Variants in AGPAT1 observed in about 807,000 individuals in gnomAD.
The protein encoded by AGPAT1 is 1-acyl-sn-glycerol-3-phosphate acyltransferase alpha.
Under a neutral mutation model 31.2 loss-of-function variants are expected in AGPAT1, and 6 were observed. The ratio of observed to expected loss-of-function variants is 0.19; its 90% confidence interval spans 0.11 to 0.38. The LOEUF (loss-of-function observed/expected upper bound fraction) is 0.38, where lower values mean the gene tolerates loss of function less well. AGPAT1 is among the 10% of genes least tolerant of loss of function. AGPAT1 has a pLI of 1.00. For missense variants in AGPAT1, 187 were observed against 377.8 expected, an observed-to-expected ratio of 0.49 and a Z score of 4.19; for synonymous variants, 139 against 154.0, an observed-to-expected ratio of 0.90 and a Z score of 0.72.
rs959921767 is a variant in AGPAT1, at chr6:32,169,000, A to C, written c.*276T>G. ...TCCCTTGTGTAGGCTGAGTCACTGG[A>C]GATGAGGGGGAGGCAACTGTCCCAC... is the stretch of plus-strand genomic sequence containing the variant. On this transcript the variant is annotated 3_prime_UTR_variant, in exon 7 of 7. Coordinates refer to ENST00000375107, the MANE Select transcript of AGPAT1 (RefSeq NM_006411.4). This position sits in a 1 kb window ranked among gnomAD's most constrained non-coding sequence, Gnocchi z 4.5. 1.9e-6 allele frequency: 1 copy of C among 515,960 alleles called. No individual in the cohort carries two copies. 32.0% of individuals were successfully genotyped at this position (515,960 alleles called of 1,614,324 possible). A position where few individuals can be genotyped will look rare whatever the true frequency, so the allele number is the denominator to read the frequency against.
chr6:32,170,000 G>A lies in AGPAT1; in HGVS notation c.645C>T (p.Asp215=). ...AGCGACGCTCCTTCTTGCAGTAGAA[G>A]TCTTGGTAGGAGGACATGACTATGG... ...IVPIVMSSYQ[D]FYCKKERRFT... is the part of the protein sequence containing the mutation. The change falls in exon 6 of 7, where the codon GAC becomes GAT. Residue 215 remains aspartate, a synonymous_variant. Coordinates refer to ENST00000375107, the MANE Select transcript of AGPAT1 (RefSeq NM_006411.4). This position sits in a 1 kb window ranked among gnomAD's most constrained non-coding sequence, Gnocchi z 5.9. The A allele has an allele frequency of 6.2e-7, 1 of 1,613,842 alleles. No individual in the cohort carries two copies. Among genetic ancestry groups the A allele is most frequent in the Non-Finnish European group, 8.5e-7 (1 of 1,180,020 alleles).
In AGPAT1 at chr6:32,169,823, G is replaced by T; in HGVS notation, c.679+143C>A. On this transcript the variant is annotated intron_variant, in intron 6 of 6. Coordinates refer to ENST00000375107, the MANE Select transcript of AGPAT1 (RefSeq NM_006411.4). The surrounding 1 kb of genome is among the most constrained non-coding windows in gnomAD (Gnocchi z 5.9). ...CAGGGTATGGTGGGTGCTTAGTAAA[G>T]ACTTATTGGCTGATGTGGGGTTAGA... The T allele has an allele frequency of 1.3e-6, 1 of 773,236 alleles. No homozygotes were observed. Among genetic ancestry groups the T allele is most frequent in the South Asian group, 1.7e-5 (1 of 59,156 alleles). The allele number at this position is 773,236 out of a possible 1,614,324, so 47.9% of individuals were successfully genotyped here.
chr6:32,169,884 C>G lies in AGPAT1; in HGVS notation c.679+82G>C. ...GTGTAGACATCTCATGGCTCTGACA[C>G]TGAATGATCCCCCTGCCTCACAGGG... On this transcript the variant is annotated intron_variant, in intron 6 of 6. Coordinates refer to ENST00000375107, the MANE Select transcript of AGPAT1 (RefSeq NM_006411.4). This position sits in a 1 kb window ranked among gnomAD's most constrained non-coding sequence, Gnocchi z 5.9. The G allele has an allele frequency of 7.8e-7, 1 of 1,289,206 alleles. No homozygotes were observed. Among genetic ancestry groups the G allele is most frequent in the African/African-American group, 1.5e-5 (1 of 68,634 alleles). 79.9% of individuals were successfully genotyped at this position (1,289,206 alleles called of 1,614,324 possible). A position where few individuals can be genotyped will look rare whatever the true frequency, so the allele number is the denominator to read the frequency against.
rs1376575931 is a variant in AGPAT1 at position 32,172,219 on chromosome 6, G to A, written c.-9-714C>T. 6.6e-6 allele frequency among the ~76,000 whole-genome samples: 1 copy of A among 152,098 alleles called. No homozygotes were observed. The highest frequency in any genetic ancestry group is 2.4e-5 in the African/African-American group (1 of 41,410). On this transcript the variant is annotated intron_variant, in intron 1 of 6. Coordinates refer to ENST00000375107, the MANE Select transcript of AGPAT1 (RefSeq NM_006411.4). This position sits in a 1 kb window ranked among gnomAD's most constrained non-coding sequence, Gnocchi z 4.3. ...CCCAGCTACTCGGGAGGCTGAGGCA[G>A]GAGAATCGCTTGAATCCGGGAGGCG...
Position 32,174,430 on chromosome 6 carries a change from G to C in AGPAT1, c.-10+1384C>G, listed in dbSNP as rs1238678879. On this transcript the variant is annotated intron_variant, in intron 1 of 6. Coordinates refer to ENST00000375107, the MANE Select transcript of AGPAT1 (RefSeq NM_006411.4). This position sits in a 1 kb window ranked among gnomAD's most constrained non-coding sequence, Gnocchi z 4.5. Reference sequence around the variant, plus strand: ...ATGAAGGCAGAGTAACAATAATCAGGAAGAGGTCATCTCACAAGAGAAATG... The same window carrying C: ...ATGAAGGCAGAGTAACAATAATCAGCAAGAGGTCATCTCACAAGAGAAATG... Among the ~76,000 whole-genome samples, 1 of 152,208 alleles carries C rather than the reference G, an allele frequency of 6.6e-6. No individual in the cohort carries two copies. Among genetic ancestry groups the C allele is most frequent in the African/African-American group, 2.4e-5 (1 of 41,452 alleles).
chr6:32,172,476 T>C lies in AGPAT1; in HGVS notation c.-9-971A>G, dbSNP rs1311723310. ...CTGTAGAACAGTACTGGTCTATACA[T>C]TAAGTTAAACTCTTAAAATGATGCA... On this transcript the variant is annotated intron_variant, in intron 1 of 6. Transcript: ENST00000375107. The surrounding 1 kb of genome is among the most constrained non-coding windows in gnomAD (Gnocchi z 4.3). Among the ~76,000 whole-genome samples the C allele has an allele frequency of 1.3e-5, 2 of 152,202 alleles. No individual in the cohort carries two copies. Among genetic ancestry groups the C allele is most frequent in the Non-Finnish European group, 2.9e-5 (2 of 68,036 alleles).
chr6:32,176,604 T>G (rs1785585483), upstream of AGPAT1: 1 of 878,378 alleles, frequency 1.1e-6, no homozygotes, highest in Non-Finnish European at 1.4e-6. Context: ...TGGTTTCCTT[T>G]GCCCTTTGTC....
At position 32,169,495 on chromosome 6, in the gene AGPAT1, C is replaced by T; in HGVS notation, c.680-47G>A. ...CATGGCCTGTCCACCCAGGTCTTTG[C>T]CCACAGGTGGGGCCCAGCTTCCGAG... On this transcript the variant is annotated intron_variant, in intron 6 of 6. Transcript: ENST00000375107. The surrounding 1 kb of genome is among the most constrained non-coding windows in gnomAD (Gnocchi z 5.9). 6.3e-7 allele frequency: 1 copy of T among 1,598,444 alleles called. No homozygotes were observed.
In AGPAT1 at chr6:32,171,132, TC is replaced by T. The variant is rs1439466180; in HGVS notation, c.201-63del. ...TTGATGTCCATCTGCATGCCTCAGCTCCCCCCACCTTACTGTCTTTCTGACC... is the reference window on the plus strand; with the variant it reads ...TTGATGTCCATCTGCATGCCTCAGCTCCCCCACCTTACTGTCTTTCTGACC... On this transcript the variant is annotated intron_variant, in intron 2 of 6. Coordinates refer to ENST00000375107, the MANE Select transcript of AGPAT1 (RefSeq NM_006411.4). The surrounding 1 kb of genome is among the most constrained non-coding windows in gnomAD (Gnocchi z 6.9). The T allele has an allele frequency of 6.3e-7, 1 of 1,591,922 alleles. No individual in the cohort carries two copies. Among genetic ancestry groups the T allele is most frequent in the South Asian group, 1.1e-5 (1 of 88,520 alleles).
Position 32,169,531 on chromosome 6 carries a change from C to T in AGPAT1, c.680-83G>A. 1.3e-6 allele frequency: 2 copies of T among 1,517,798 alleles called. No homozygotes were observed. The highest frequency in any genetic ancestry group is 3.5e-5 in the Admixed American group (2 of 56,650). 94.0% of individuals were successfully genotyped at this position (1,517,798 alleles called of 1,614,324 possible). ...GGCCCAGCTTCCGAGTGATACTCTT[C>T]CTCAACCTTTCAGTTCTCTTCCCCC... On this transcript the variant is annotated intron_variant, in intron 6 of 6. Coordinates refer to ENST00000375107, the MANE Select transcript of AGPAT1 (RefSeq NM_006411.4). This position sits in a 1 kb window ranked among gnomAD's most constrained non-coding sequence, Gnocchi z 5.9.
rs772703499 is a variant in AGPAT1 at position 32,171,049 on chromosome 6, G to A, written c.222C>T (p.Leu74=). ...GGATCCCGTACAGGTATTTGATGTGGAGCAGCATTAGACGCAAGATCCTGT... is the reference window on the plus strand; with the variant it reads ...GGATCCCGTACAGGTATTTGATGTGAAGCAGCATTAGACGCAAGATCCTGT... ...ENMKILRLML[L]HIKYLYGIRV... Residue 74 remains leucine (L), a synonymous_variant, in exon 3 of 7, where the codon CTC becomes CTT. Coordinates refer to ENST00000375107, the MANE Select transcript of AGPAT1 (RefSeq NM_006411.4). This position sits in a 1 kb window ranked among gnomAD's most constrained non-coding sequence, Gnocchi z 6.9. 1 of 1,612,736 alleles carries A rather than the reference G, an allele frequency of 6.2e-7. No individual in the cohort carries two copies. The highest frequency in any genetic ancestry group is 8.5e-7 in the Non-Finnish European group (1 of 1,179,882).
At position 32,170,156 on chromosome 6, in the gene AGPAT1, A is replaced by C. The variant is rs1489071880; in HGVS notation, c.606+9T>G. Reference sequence around the variant, plus strand: ...GCAGCTGAGTAGCAGAACGAAGAGCAGTAGTCACCTGGGCCTGCACTGCAA... The same window carrying C: ...GCAGCTGAGTAGCAGAACGAAGAGCCGTAGTCACCTGGGCCTGCACTGCAA... On this transcript the variant is annotated intron_variant, in intron 5 of 6. Coordinates refer to ENST00000375107, the MANE Select transcript of AGPAT1 (RefSeq NM_006411.4). This position sits in a 1 kb window ranked among gnomAD's most constrained non-coding sequence, Gnocchi z 7.7. 1.9e-6 allele frequency: 3 copies of C among 1,613,998 alleles called. No homozygotes were observed. Among genetic ancestry groups the C allele is most frequent in the Non-Finnish European group, 2.5e-6 (3 of 1,179,866 alleles).
At position 32,170,115 on chromosome 6, in the gene AGPAT1, G is replaced by A. The variant is rs997479168; in HGVS notation, c.606+50C>T. 2 of 1,610,862 alleles carry A rather than the reference G, an allele frequency of 1.2e-6. No homozygotes were observed. Among genetic ancestry groups the A allele is most frequent in the East Asian group, 4.5e-5 (2 of 44,858 alleles). ...CAATAAGCCCCTGCCCAGAGATGAG[G>A]GAATGGTGGGGGTTGGCAGCTGAGT... On this transcript the variant is annotated intron_variant, in intron 5 of 6. Transcript: ENST00000375107. This position sits in a 1 kb window ranked among gnomAD's most constrained non-coding sequence, Gnocchi z 7.7.
chr6:32,176,239 G>T, upstream of AGPAT1: 1 of 801,328 alleles, frequency 1.2e-6, no homozygotes, highest in Non-Finnish European at 1.5e-6. Flanking sequence ...CCCCGCCCCA[G>T]GGCTCTCCCT....
chr6:32,171,728 G>A lies in AGPAT1; in HGVS notation c.-9-223C>T, dbSNP rs1217888735. On this transcript the variant is annotated intron_variant, in intron 1 of 6. Transcript: ENST00000375107. The surrounding 1 kb of genome is among the most constrained non-coding windows in gnomAD (Gnocchi z 6.9). ...TCCCACCACTCTTCCCAAAGGCTCC[G>A]GATATATTCAGACAAGAGACACAAG... is the stretch of plus-strand genomic sequence containing the variant. 9.9e-6 allele frequency: 6 copies of A among 607,948 alleles called. No individual in the cohort carries two copies. The highest frequency in any genetic ancestry group is 1.9e-5 in the African/African-American group (1 of 54,012). The allele number at this position is 607,948 out of a possible 1,614,324, so 37.7% of individuals were successfully genotyped here.
Position 32,173,605 on chromosome 6 carries a change from A to T in AGPAT1, c.-9-2100T>A, listed in dbSNP as rs1310099683. On this transcript the variant is annotated intron_variant, in intron 1 of 6. Coordinates refer to ENST00000375107, the MANE Select transcript of AGPAT1 (RefSeq NM_006411.4). The surrounding 1 kb of genome is among the most constrained non-coding windows in gnomAD (Gnocchi z 4.7). ...CTTACATCTTCGACCACATCCTCAC[A>T]AAACTCTTTGTTCCAGTCAAACTGA... 6.6e-6 allele frequency among the ~76,000 whole-genome samples: 1 copy of T among 152,182 alleles called. No individual in the cohort carries two copies. The highest frequency in any genetic ancestry group is 2.1e-4 in the South Asian group (1 of 4,836).
rs1306605017 is a variant in AGPAT1 at position 32,170,989 on chromosome 6, G to A, written c.282C>T (p.Pro94=). Residue 94 remains proline (P), a synonymous_variant, in exon 3 of 7, where the codon CCC becomes CCT. Transcript: ENST00000375107. The surrounding 1 kb of genome is among the most constrained non-coding windows in gnomAD (Gnocchi z 7.7). ...TGGAGACAACAACATAGGGCTGCGA[G>A]GGAGGGAAGTGGTGAGCCCCTCGCA... is the stretch of plus-strand genomic sequence containing the variant. ...VEVRGAHHFP[P]SQPYVVVSNH... 5 of 1,612,632 alleles carry A rather than the reference G, an allele frequency of 3.1e-6. No homozygotes were observed. The highest frequency in any genetic ancestry group is 4.2e-6 in the Non-Finnish European group (5 of 1,179,966).
chr6:32,175,997 G>C lies in AGPAT1; in HGVS notation c.-193C>G, dbSNP rs1313071633. On this transcript the variant is annotated 5_prime_UTR_variant, in exon 1 of 7. Transcript: ENST00000375107. This position sits in a 1 kb window ranked among gnomAD's most constrained non-coding sequence, Gnocchi z 4.5. The stretch of plus-strand genomic sequence containing the variant: ...GGGAGTGGGAGGTTGGGCCCATAGC[G>C]GTAGGAATGGTGGGGGGCTGTCCCC... 1 of 985,228 alleles carries C rather than the reference G, an allele frequency of 1.0e-6. No homozygotes were observed. Among genetic ancestry groups the C allele is most frequent in the African/African-American group, 1.8e-5 (1 of 57,124 alleles). The allele number at this position is 985,228 out of a possible 1,614,324, so 61.0% of individuals were successfully genotyped here. A position where few individuals can be genotyped will look rare whatever the true frequency, so the allele number is the denominator to read the frequency against.
rs1386633420 is a variant in AGPAT1, at chr6:32,169,248, A to G, written c.*28T>C. On this transcript the variant is annotated 3_prime_UTR_variant, in exon 7 of 7. Transcript: ENST00000375107. The surrounding 1 kb of genome is among the most constrained non-coding windows in gnomAD (Gnocchi z 5.9). ...TAGGTGTGGGGAGGAAGATGGGGAC[A>G]GATGGGAGGAGAGCTCAGAGCCAGG... is the stretch of plus-strand genomic sequence containing the variant. The G allele has an allele frequency of 3.7e-6, 6 of 1,608,588 alleles. No individual in the cohort carries two copies. The highest frequency in any genetic ancestry group is 4.2e-6 in the Non-Finnish European group (5 of 1,176,994).
Sources: allele counts gnomAD v4.1 joint callset (sites outside exome capture counted in the v4.1 genomes callset), GRCh38; gene constraint gnomAD v4.1.1; non-coding constraint Gnocchi (gnomAD v3.1); transcripts MANE v1.5; gene names NCBI Gene and HGNC (gene_info 2026-07-23, HGNC 2026-07-21).